SLMAP: variants seen among roughly 807,000 people sequenced by gnomAD.
SLMAP encodes the protein sarcolemmal membrane-associated protein.
In SLMAP, 44 loss-of-function variants were observed where a neutral mutation model predicts 128.8. The ratio of observed to expected loss-of-function variants is 0.34; its 90% CI spans 0.27 to 0.44. SLMAP has a LOEUF of 0.44. Ranked by LOEUF, SLMAP falls within the 20% of genes least tolerant of loss-of-function variation. The pLI, the probability that SLMAP is intolerant of heterozygous loss-of-function variation, is 1.00. For missense variants in SLMAP, 787 were observed against 985.3 expected (o/e 0.80, Z 2.69); for synonymous variants, 327 against 348.8 (o/e 0.94, Z 0.70).
rs1369876437 is a variant in SLMAP, at chr3:57,928,705, G to C, written c.*1416G>C. On this transcript the variant is annotated 3_prime_UTR_variant, in exon 25 of 25. Coordinates refer to ENST00000671191, the MANE Select transcript of SLMAP (RefSeq NM_001377540.1). ...GGAGGGAATGTCAGTGAATTGGCTT[G>C]AATGTTCTGTGGCAATCCACAGGTC... The C allele has an allele frequency of 6.6e-6, 1 of 152,192 alleles. No individual in the cohort carries two copies. Among genetic ancestry groups the C allele is most frequent in the Admixed American group, 6.5e-5 (1 of 15,276 alleles). 9.4% of individuals were successfully genotyped at this position (152,192 alleles called of 1,614,324 possible). A position where few individuals can be genotyped will look rare whatever the true frequency, so the allele number is the denominator to read the frequency against.
chr3:57,886,134 C>T lies in SLMAP; in HGVS notation c.1301-3907C>T, dbSNP rs761755667. Among the ~76,000 whole-genome samples, 218 of 125,888 alleles carry T rather than the reference C, an allele frequency of 1.7e-3. 1 individual carries two copies. In the Middle Eastern group the frequency reaches 0.026, roughly 15 times the overall value. 82.6% of individuals were successfully genotyped at this position (125,888 alleles called of 152,430 possible). On this transcript the variant is annotated intron_variant, in intron 14 of 24. Coordinates refer to ENST00000671191, the MANE Select transcript of SLMAP (RefSeq NM_001377540.1). Reference sequence around the variant, plus strand: ...TTTTTTTTTTTTTGAGATGGAGTCTCGCTCTGTTGCCCAGGCTGGAGTGCA... The same window carrying T: ...TTTTTTTTTTTTTGAGATGGAGTCTTGCTCTGTTGCCCAGGCTGGAGTGCA...
intron 24 of SLMAP, 101 bp downstream of exon 24, chr3:57,926,035 A>T: frequency 1.1e-5 from 9 of 796,636 alleles, no homozygotes; most frequent in Non-Finnish European, 1.7e-5. Flanking sequence ...GTATTTTGTT[A>T]CCTGAAGCAA....
At chr3:57,786,460 T>C (rs1293535167) in intron 2 of SLMAP, among the ~76,000 whole-genome samples, 1 of 152,146 alleles carries the variant, frequency 6.6e-6, no homozygotes, top group Non-Finnish European at 1.5e-5. Flanking sequence ...TAATTAATAC[T>C]CATATAGGAG....
intron 13 of SLMAP, among the ~76,000 whole-genome samples, chr3:57,869,405 T>C (rs2095414003): frequency 6.6e-6 from 1 of 151,278 alleles, no homozygotes; most frequent in South Asian, 2.1e-4. Context: ...ATTAATACTT[T>C]GTATCCTTTA....
At chr3:57,899,430 G>T (rs1254741875) in intron 17 of SLMAP, 3 of 152,206 alleles carry the variant, frequency 2.0e-5, no homozygotes, top group African/African-American at 7.2e-5. Flanking sequence ...ACGTTAAGGT[G>T]AAAGAACTTC....
intron 2 of SLMAP, among the ~76,000 whole-genome samples, chr3:57,759,460 A>G (rs1246717053): frequency 2.0e-5 from 3 of 152,114 alleles, no homozygotes; most frequent in African/African-American, 7.2e-5. Context: ...TATTTTTAGT[A>G]GAGACAGGGT....
At chr3:57,823,814 G>A (rs2092719933) in intron 2 of SLMAP, among the ~76,000 whole-genome samples, 2 of 152,190 alleles carry the variant, frequency 1.3e-5, no homozygotes, top group African/African-American at 4.8e-5. Flanking sequence ...CACAATGGTT[G>A]AACTAGTTTA....
intron 14 of SLMAP, among the ~76,000 whole-genome samples, chr3:57,888,871 A>G (rs1487648628): frequency 1.3e-5 from 2 of 151,914 alleles, no homozygotes; most frequent in Admixed American, 1.3e-4. Context: ...CTTAATCAAA[A>G]TCTGTTACTT....
chr3:57,878,771 A>T (rs1320297149), intron 14 of SLMAP, among the ~76,000 whole-genome samples: 1 of 152,214 alleles, frequency 6.6e-6, no homozygotes, highest in African/African-American at 2.4e-5. Flanking sequence ...TATTTAAAAA[A>T]TTTGGTGTCA....
intron 2 of SLMAP, among the ~76,000 whole-genome samples, chr3:57,786,520 C>T (rs184898839): frequency 2.4e-4 from 36 of 149,434 alleles, no homozygotes; most frequent in Non-Finnish European, 4.0e-4. Flanking sequence ...CACTCAGCTT[C>T]GTTCCCAACT....
chr3:57,821,863 TG>T (rs1366446161), intron 2 of SLMAP, among the ~76,000 whole-genome samples: 23 of 152,234 alleles, frequency 1.5e-4, no homozygotes, highest in African/African-American at 5.5e-4. Flanking sequence ...GTTTGGTTTT[TG>T]TTACCCTCTG....
intron 17 of SLMAP, chr3:57,901,463 G>C (rs1289014563): frequency 6.6e-6 from 1 of 152,184 alleles, no homozygotes; most frequent in Non-Finnish European, 1.5e-5. Context: ...CATTTGAAAT[G>C]ACTCTATAAA....
intron 2 of SLMAP, among the ~76,000 whole-genome samples, chr3:57,803,871 C>T (rs2089194612): frequency 6.6e-6 from 1 of 152,202 alleles, no homozygotes. Flanking sequence ...CAAGAAAATG[C>T]AATTAACTTT....
At chr3:57,812,963 G>T (rs2091257599) in intron 2 of SLMAP, among the ~76,000 whole-genome samples, 1 of 151,148 alleles carries the variant, frequency 6.6e-6, no homozygotes, top group Non-Finnish European at 1.5e-5. Context: ...TTCCTGTATT[G>T]TCTTTGTATC....
chr3:57,766,237 C>T (rs1253887683), intron 2 of SLMAP, among the ~76,000 whole-genome samples: 6 of 140,302 alleles, frequency 4.3e-5, no homozygotes, highest in Admixed American at 1.5e-4. Flanking sequence ...AGGATGGTCT[C>T]GATTTCCTGA....
chr3:57,790,508 T>C (rs764753637), intron 2 of SLMAP, among the ~76,000 whole-genome samples: 2 of 152,212 alleles, frequency 1.3e-5, no homozygotes, highest in South Asian at 2.1e-4. Context: ...GCAGTAGATA[T>C]ATATTTTGTG....
At position 57,896,535 on chromosome 3, in the gene SLMAP, C is replaced by G. The variant is rs1243027799; in HGVS notation, c.1385C>G (p.Ser462Cys). Residue 462 changes from serine to cysteine, a missense_variant, in exon 16 of 25, where the codon TCT becomes TGT. Physicochemically the swap from Ser to Cys is moderately radical, Grantham distance 112 (BLOSUM62 -1). Coordinates refer to ENST00000671191, the MANE Select transcript of SLMAP (RefSeq NM_001377540.1). ...GAAAATCAGACAAGAGCAAAAGAAT[C>G]TGATTTTTCAGATACTCTGAGTCCA... Reference protein sequence around the residue: ...SKENQTRAKESDFSDTLSPSK... With the variant: ...SKENQTRAKECDFSDTLSPSK... 1 of 1,608,274 alleles carries G rather than the reference C, an allele frequency of 6.2e-7. No individual in the cohort carries two copies. The highest frequency in any genetic ancestry group is 8.5e-7 in the Non-Finnish European group (1 of 1,178,170).
intron 2 of SLMAP, among the ~76,000 whole-genome samples, chr3:57,828,790 T>A (rs971575395): frequency 1.3e-4 from 19 of 151,726 alleles, no homozygotes; most frequent in Admixed American, 2.6e-4. Context: ...AGAAAAAAAA[T>A]TTTTTTTGAG....
In SLMAP at chr3:57,927,391, G is replaced by A. The variant is rs1360630986; in HGVS notation, c.*102G>A. The A allele has an allele frequency of 1.3e-6, 2 of 1,563,476 alleles. No individual in the cohort carries two copies. Among genetic ancestry groups the A allele is most frequent in the South Asian group, 1.2e-5 (1 of 86,808 alleles). ...GTCTGGCCAGAGCTTCTCCATGAGAGCGTTCCTTGAGTCCGTACACCGTCC... is the reference window on the plus strand; with the variant it reads ...GTCTGGCCAGAGCTTCTCCATGAGAACGTTCCTTGAGTCCGTACACCGTCC... On this transcript the variant is annotated 3_prime_UTR_variant, in exon 25 of 25. Coordinates refer to ENST00000671191, the MANE Select transcript of SLMAP (RefSeq NM_001377540.1).
Sources: allele counts gnomAD v4.1 joint callset (sites outside exome capture counted in the v4.1 genomes callset), GRCh38; gene constraint gnomAD v4.1.1; transcripts MANE v1.5; gene names NCBI Gene and HGNC (gene_info 2026-07-23, HGNC 2026-07-21).